Variants in AUTS2 observed in about 807,000 individuals in gnomAD.
The protein encoded by AUTS2 is activator of transcription and developmental regulator AUTS2, also known as autism susceptibility gene 2 protein.
Under a neutral mutation model 112.4 loss-of-function variants are expected in AUTS2, and 17 were observed. The observed-to-expected ratio is 0.15, with a 90% CI of 0.10 to 0.23. The LOEUF (loss-of-function observed/expected upper bound fraction) is 0.23, where lower values mean the gene tolerates loss of function less well. Ranked by LOEUF, AUTS2 falls within the 10% of genes least tolerant of loss-of-function variation. AUTS2 has a pLI of 1.00. For missense variants in AUTS2, 1,510 were observed against 1,701.6 expected (o/e 0.89, Z 1.98); for synonymous variants, 751 against 702.7 (o/e 1.07, Z -1.09).
intron 1 of AUTS2, among the ~76,000 whole-genome samples, chr7:69,606,131 T>G (rs959503168): frequency 6.6e-5 from 10 of 152,084 alleles, no homozygotes; most frequent in African/African-American, 2.4e-4. Context: ...ATCCTGAGAG[T>G]AGTGTTCTGT....
chr7:70,097,027 AGAATT>A (rs1235179989), intron 2 of AUTS2, among the ~76,000 whole-genome samples: 1 of 152,212 alleles, frequency 6.6e-6, no homozygotes, highest in African/African-American at 2.4e-5. Context: ...GAAATTGAAA[AGAATT>A]AGTACGAATG....
chr7:70,102,076 AGAAGTAT>A (rs1212453213), intron 2 of AUTS2, among the ~76,000 whole-genome samples: 1 of 152,008 alleles, frequency 6.6e-6, no homozygotes, highest in Non-Finnish European at 1.5e-5. Flanking sequence ...CCAATAGCAA[AGAAGTAT>A]GAAGTAGATA....
At position 70,583,414 on chromosome 7, in the gene AUTS2, G is replaced by A. The variant is rs563117801; in HGVS notation, c.691-115155G>A. Reference sequence around the variant, plus strand: ...CCAGTTGAAATCAGAAATCACAACCGCAGTGATTAGCAGTGAATTCCCTGA... The same window carrying A: ...CCAGTTGAAATCAGAAATCACAACCACAGTGATTAGCAGTGAATTCCCTGA... On this transcript the variant is annotated intron_variant, in intron 5 of 18. Transcript: ENST00000342771. 7.9e-5 allele frequency among the ~76,000 whole-genome samples: 12 copies of A among 152,290 alleles called. No homozygotes were observed. In the East Asian group the frequency reaches 9.6e-4, roughly 12 times the overall value.
intron 6 of AUTS2, among the ~76,000 whole-genome samples, chr7:70,703,659 G>A (rs1809584693): frequency 6.6e-6 from 1 of 152,254 alleles, no homozygotes. Context: ...AGGGTCTTGG[G>A]TTTAGTCGCA....
At chr7:70,233,034 G>A (rs897469461) in intron 4 of AUTS2, among the ~76,000 whole-genome samples, 2 of 152,124 alleles carry the variant, frequency 1.3e-5, no homozygotes, top group Non-Finnish European at 2.9e-5. Context: ...CTTTTTAAAT[G>A]TACAAAAGCA....
intron 5 of AUTS2, among the ~76,000 whole-genome samples, chr7:70,529,357 A>G (rs1196605182): frequency 1.3e-5 from 2 of 152,222 alleles, no homozygotes; most frequent in African/African-American, 4.8e-5. Flanking sequence ...TGAGCTAGAC[A>G]GGACAGATAG....
intron 1 of AUTS2, among the ~76,000 whole-genome samples, chr7:69,837,073 G>A (rs985562097): frequency 3.3e-5 from 5 of 152,100 alleles, no homozygotes; most frequent in Admixed American, 3.3e-4. Context: ...ATGAAATAGC[G>A]ACAAATCAGG....
intron 2 of AUTS2, among the ~76,000 whole-genome samples, chr7:70,051,587 TG>T (rs1197724187): frequency 4.6e-5 from 7 of 151,968 alleles, no homozygotes; most frequent in Admixed American, 2.0e-4. Context: ...GGCGTGGTGG[TG>T]GGCACCTGTA....
chr7:70,787,288 G>T lies in AUTS2; in HGVS notation c.2388G>T (p.Leu796=), dbSNP rs1196691024. The change falls in exon 18 of 19, where the codon CTG becomes CTT. Residue 796 remains leucine, a synonymous_variant. Coordinates refer to ENST00000342771, the MANE Select transcript of AUTS2 (RefSeq NM_015570.4). ...FSNPHEPWNR[L]HRTPPSFPTP... is the part of the protein sequence containing the mutation. The stretch of plus-strand genomic sequence containing the variant: ...ACCCTCACGAACCCTGGAACCGGCT[G>T]CACCGAACGCCTCCGTCGTTCCCGA... The T allele has an allele frequency of 6.2e-7, 1 of 1,614,084 alleles. No individual in the cohort carries two copies. The highest frequency in any genetic ancestry group is 1.3e-5 in the African/African-American group (1 of 74,928).
At chr7:70,786,793 A>G (rs1439727655) in intron 17 of AUTS2, 1 of 308,564 alleles carries the variant, frequency 3.2e-6, no homozygotes, top group African/African-American at 2.2e-5. Context: ...GTGACACTTG[A>G]GAGGGCCACG....
At chr7:70,777,956 A>C (rs1008984261) in intron 14 of AUTS2, among the ~76,000 whole-genome samples, 4 of 152,176 alleles carry the variant, frequency 2.6e-5, no homozygotes, top group African/African-American at 9.7e-5. Context: ...CCCTATATGA[A>C]GATGATGCCG....
chr7:70,110,859 C>CTTTT (rs71077618), intron 2 of AUTS2, among the ~76,000 whole-genome samples: 1,814 of 82,816 alleles, frequency 0.022, no homozygotes, highest in Non-Finnish European at 0.03. Flanking sequence ...TTCTTTCTTT[C>CTTTT]TTTTTTTTTT....
intron 4 of AUTS2, among the ~76,000 whole-genome samples, chr7:70,378,736 C>T (rs767820209): frequency 6.6e-6 from 1 of 152,164 alleles, no homozygotes; most frequent in Non-Finnish European, 1.5e-5. Flanking sequence ...TTATCATTTT[C>T]CATTGCATGA....
At chr7:70,126,300 T>C (rs1805967472) in intron 3 of AUTS2, among the ~76,000 whole-genome samples, 1 of 152,008 alleles carries the variant, frequency 6.6e-6, no homozygotes, top group African/African-American at 2.4e-5. Context: ...GCACAGGTAC[T>C]CGGGAGGCTG....
chr7:69,706,554 G>A (rs75667917), intron 1 of AUTS2, among the ~76,000 whole-genome samples: 2,441 of 152,304 alleles, frequency 0.016, 34 homozygotes, highest in Middle Eastern at 0.048. Flanking sequence ...AGATGCTTAT[G>A]AAATGTTTGT....
chr7:69,688,438 G>A (rs146383107), intron 1 of AUTS2, among the ~76,000 whole-genome samples: 21 of 152,302 alleles, frequency 1.4e-4, no homozygotes, highest in Non-Finnish European at 3.1e-4. Flanking sequence ...TACAGGCTGT[G>A]CATAACAATA....
intron 1 of AUTS2, among the ~76,000 whole-genome samples, chr7:69,875,749 C>T (rs1340772538): frequency 6.6e-6 from 1 of 152,204 alleles, no homozygotes; most frequent in Admixed American, 6.5e-5. Flanking sequence ...CAGGTTCAGA[C>T]TTTGGGACCC....
intron 2 of AUTS2, among the ~76,000 whole-genome samples, chr7:69,934,107 C>T (rs1249287661): frequency 1.3e-5 from 2 of 152,186 alleles, no homozygotes; most frequent in South Asian, 2.1e-4. Flanking sequence ...GAGCGAAACT[C>T]ATATAACCTT....
intron 6 of AUTS2, among the ~76,000 whole-genome samples, chr7:70,717,152 C>T (rs1585562249): frequency 6.6e-6 from 1 of 152,040 alleles, no homozygotes; most frequent in African/African-American, 2.4e-5. Context: ...CTGCCCCAGC[C>T]TTGCGAGTAG....
Sources: allele counts gnomAD v4.1 joint callset (sites outside exome capture counted in the v4.1 genomes callset), GRCh38; gene constraint gnomAD v4.1.1; transcripts MANE v1.5; gene names NCBI Gene and HGNC (gene_info 2026-07-23, HGNC 2026-07-21).